Variants in CA10 observed in about 807,000 individuals in gnomAD.
CA10 encodes carbonic anhydrase 10 (inactive), also known as carbonic anhydrase-related protein 10.
CA10 carries 14 observed loss-of-function variants against 44.2 expected under a neutral mutation model. That is an observed-to-expected ratio of 0.32 (90% CI 0.21 to 0.50). The LOEUF (loss-of-function observed/expected upper bound fraction) is 0.50. Among genes scored for constraint, CA10 ranks in the 20% least tolerant of loss-of-function variants. The pLI is 0.99. For synonymous variants in CA10, 159 were observed against 141.6 expected, an observed-to-expected ratio of 1.12 and a Z score of -0.87; for missense variants, 350 against 409.7, an observed-to-expected ratio of 0.85 and a Z score of 1.26.
chr17:52,127,049 C>A (rs1269707390), intron 1 of CA10, among the ~76,000 whole-genome samples: 3 of 152,134 alleles, frequency 2.0e-5, no homozygotes, highest in African/African-American at 7.2e-5. Context: ...ATAATTCAGA[C>A]AGTAATTAAA....
chr17:51,831,684 G>GCAGCAGCAGCAGCAGCAGCAGCAGCAT (rs1567854537), intron 3 of CA10, among the ~76,000 whole-genome samples: 1 of 57,378 alleles, frequency 1.7e-5, no homozygotes, highest in African/African-American at 7.4e-5. Flanking sequence ...AGCAGCAGCA[G>GCAGCAGCAGCAGCAGCAGCAGCAGCAT]CAGCAGCAGC....
intron 2 of CA10, among the ~76,000 whole-genome samples, chr17:51,982,866 C>A (rs1207087551): frequency 1.3e-5 from 2 of 151,836 alleles, no homozygotes; most frequent in African/African-American, 4.8e-5. Flanking sequence ...TGTCAAATAA[C>A]TGTTTGATGA....
chr17:51,890,252 T>C (rs1000062116), intron 3 of CA10, among the ~76,000 whole-genome samples: 14 of 152,190 alleles, frequency 9.2e-5, no homozygotes, highest in Non-Finnish European at 2.1e-4. Flanking sequence ...AGGCAGGGTG[T>C]GTAGAATCTT....
intron 2 of CA10, among the ~76,000 whole-genome samples, chr17:51,953,563 G>A (rs1361977945): frequency 6.6e-6 from 1 of 151,818 alleles, no homozygotes; most frequent in Non-Finnish European, 1.5e-5. Flanking sequence ...TGACATCTGA[G>A]TCTTCTCAAG....
intron 2 of CA10, among the ~76,000 whole-genome samples, chr17:51,937,255 T>C (rs1400402834): frequency 9.9e-5 from 15 of 152,204 alleles, no homozygotes; most frequent in Admixed American, 9.8e-4. Context: ...AACTCATATC[T>C]TTCCCTTGCT....
intron 3 of CA10, among the ~76,000 whole-genome samples, chr17:51,887,241 C>T (rs1289788209): frequency 1.3e-5 from 2 of 151,534 alleles, no homozygotes; most frequent in African/African-American, 4.8e-5. Context: ...AAGTTAGGGT[C>T]TTCTTAAATA....
intron 3 of CA10, among the ~76,000 whole-genome samples, chr17:51,930,596 C>T (rs368129538): frequency 3.3e-5 from 5 of 152,064 alleles, no homozygotes; most frequent in African/African-American, 7.2e-5. Context: ...AGATGATGAA[C>T]GTCTGATTTT....
chr17:52,006,826 A>T (rs577506834), intron 2 of CA10, among the ~76,000 whole-genome samples: 2 of 151,842 alleles, frequency 1.3e-5, no homozygotes, highest in Non-Finnish European at 3.0e-5. Flanking sequence ...TTGGAATTTT[A>T]ATTAGAATAT....
intron 3 of CA10, among the ~76,000 whole-genome samples, chr17:51,818,340 G>T (rs1323119638): frequency 6.6e-6 from 1 of 152,174 alleles, no homozygotes; most frequent in African/African-American, 2.4e-5. Flanking sequence ...ACTGACAGCT[G>T]CCAAAATTAG....
intron 1 of CA10, among the ~76,000 whole-genome samples, chr17:52,108,189 ATTTT>A (rs879650640): frequency 1.3e-5 from 1 of 74,304 alleles, no homozygotes; most frequent in Non-Finnish European, 2.1e-5. Flanking sequence ...TTATATATAT[ATTTT>A]TTATATATAT....
intron 3 of CA10, among the ~76,000 whole-genome samples, chr17:51,873,778 G>A (rs1979924847): frequency 6.6e-6 from 1 of 152,100 alleles, no homozygotes; most frequent in Non-Finnish European, 1.5e-5. Context: ...TGTTGTTCTG[G>A]GAGTCACTCT....
At chr17:51,638,192 C>T (rs571374471) in intron 6 of CA10, among the ~76,000 whole-genome samples, 2 of 152,278 alleles carry the variant, frequency 1.3e-5, no homozygotes, top group South Asian at 4.1e-4. Flanking sequence ...TCAATGGAGC[C>T]AATCGTTTGG....
chr17:51,670,781 CA>C (rs1914387390), intron 4 of CA10, among the ~76,000 whole-genome samples: 2 of 152,230 alleles, frequency 1.3e-5, no homozygotes, highest in East Asian at 3.9e-4. Flanking sequence ...TTGATCCTTG[CA>C]AAAATCGACG....
chr17:51,936,380 A>G (rs1334006875), intron 2 of CA10, among the ~76,000 whole-genome samples: 1 of 152,274 alleles, frequency 6.6e-6, no homozygotes, highest in Non-Finnish European at 1.5e-5. Context: ...TAAAGCATGT[A>G]TGGGAGAGAA....
chr17:51,829,227 T>G (rs929535911), intron 3 of CA10, among the ~76,000 whole-genome samples: 1 of 152,238 alleles, frequency 6.6e-6, no homozygotes. Context: ...ACTGCCCCCA[T>G]GGATGTGTCT....
intron 5 of CA10, among the ~76,000 whole-genome samples, chr17:51,652,980 C>T (rs1315651519): frequency 6.8e-6 from 1 of 146,978 alleles, no homozygotes; most frequent in Non-Finnish European, 1.5e-5. Context: ...TCTACATCTG[C>T]TAAAATGTTA....
intron 3 of CA10, among the ~76,000 whole-genome samples, chr17:51,788,693 T>C (rs968461329): frequency 6.6e-6 from 1 of 152,170 alleles, no homozygotes; most frequent in African/African-American, 2.4e-5. Flanking sequence ...TCTCCTCCTT[T>C]AGGATGATTT....
At chr17:51,754,033 G>T (rs895260238) in intron 3 of CA10, among the ~76,000 whole-genome samples, 11 of 151,794 alleles carry the variant, frequency 7.2e-5, no homozygotes, top group African/African-American at 2.4e-4. Flanking sequence ...TAGTAGAGAC[G>T]GGGTTTCACC....
chr17:51,670,563 G>A (rs1301649447), intron 4 of CA10, among the ~76,000 whole-genome samples: 1 of 151,922 alleles, frequency 6.6e-6, no homozygotes, highest in Non-Finnish European at 1.5e-5. Flanking sequence ...TCTCTTGTTG[G>A]GCCCTGGCTG....
Sources: gnomAD v4.1 joint callset for allele counts (sites outside exome capture counted in the v4.1 genomes callset) on GRCh38, gnomAD v4.1.1 for gene constraint, MANE v1.5 for transcripts, NCBI Gene and HGNC (gene_info 2026-07-23, HGNC 2026-07-21) for gene names.